HAPSTR1: variants seen among roughly 807,000 people sequenced by gnomAD.
The protein encoded by HAPSTR1 is HUWE1 associated protein modifying stress responses.
chr16:9,092,961 C>T, the HAPSTR1 span: 78 of 1,611,870 alleles, frequency 4.8e-5, no homozygotes, highest in African/African-American at 8.6e-4. Flanking sequence ...TCTGGGTCCC[C>T]TTCCAAAACG....
At chr16:9,119,851 T>G in the HAPSTR1 span, 5 of 152,248 alleles carry the variant, frequency 3.3e-5, no homozygotes, top group Admixed American at 2.6e-4. Context: ...ATTGTGGCTT[T>G]GGGCCTGAAG....
At chr16:9,103,541 A>C in the HAPSTR1 span, 2 of 324,760 alleles carry the variant, frequency 6.2e-6, no homozygotes, top group Non-Finnish European at 1.1e-5. Context: ...CTTTACACTT[A>C]TGTGTTGTAC....
the HAPSTR1 span, chr16:9,092,367 C>T: frequency 7.3e-6 from 8 of 1,101,136 alleles, no homozygotes; most frequent in Non-Finnish European, 8.0e-6. Context: ...GGGGCCGCGA[C>T]GGCGGCGGCC....
chr16:9,117,910 A>C, the HAPSTR1 span: 12 of 152,652 alleles, frequency 7.9e-5, no homozygotes, highest in Admixed American at 7.2e-4. Flanking sequence ...TCTACTAATA[A>C]TGTGATTGCA....
chr16:9,094,487 A>ATT, the HAPSTR1 span, among the ~76,000 whole-genome samples: 2 of 147,166 alleles, frequency 1.4e-5, no homozygotes, highest in African/African-American at 5.0e-5. Context: ...ATATACTTTG[A>ATT]TTTTTTTTTT....
chr16:9,097,388 C>G, the HAPSTR1 span, among the ~76,000 whole-genome samples: 1 of 151,934 alleles, frequency 6.6e-6, no homozygotes, highest in East Asian at 1.9e-4. Context: ...ACCACAGGCA[C>G]CCATCACCAT....
At chr16:9,108,315 A>G in the HAPSTR1 span, 1 of 152,128 alleles carries the variant, frequency 6.6e-6, no homozygotes, top group Non-Finnish European at 1.5e-5. Context: ...TTTTTTTTTA[A>G]TTAAAAAAAT....
chr16:9,116,961 C>G, the HAPSTR1 span: 1 of 1,603,582 alleles, frequency 6.2e-7, no homozygotes, highest in East Asian at 2.2e-5. Context: ...CCACTTGATC[C>G]TCAACATATA....
chr16:9,094,494 T>C, the HAPSTR1 span, among the ~76,000 whole-genome samples: 11 of 152,328 alleles, frequency 7.2e-5, no homozygotes, highest in Non-Finnish European at 1.3e-4. Flanking sequence ...TTGATTTTTT[T>C]TTTTTAAGAA....
chr16:9,103,302 G>A, the HAPSTR1 span: 1 of 1,587,012 alleles, frequency 6.3e-7, no homozygotes, highest in Admixed American at 1.8e-5. Context: ...ATGGTTAAGA[G>A]GGTGCCTGTG....
the HAPSTR1 span, among the ~76,000 whole-genome samples, chr16:9,094,516 C>G: frequency 6.6e-6 from 1 of 151,586 alleles, no homozygotes; most frequent in Non-Finnish European, 1.5e-5. Flanking sequence ...TAGAATATAT[C>G]TATCACCCCC....
At chr16:9,113,459 C>G in the HAPSTR1 span, among the ~76,000 whole-genome samples, 1 of 152,104 alleles carries the variant, frequency 6.6e-6, no homozygotes, top group Non-Finnish European at 1.5e-5. Context: ...GGAACATTTG[C>G]TTGAAATCCC....
At chr16:9,117,310 A>G in the HAPSTR1 span, 91 of 193,118 alleles carry the variant, frequency 4.7e-4, no homozygotes, top group African/African-American at 1.9e-3. Context: ...TTTTGCTTCA[A>G]CAGTATTGCC....
the HAPSTR1 span, among the ~76,000 whole-genome samples, chr16:9,100,008 G>A: frequency 6.6e-6 from 1 of 152,198 alleles, no homozygotes; most frequent in Non-Finnish European, 1.5e-5. Context: ...TTGGTTTTCA[G>A]AATATATACT....
At chr16:9,113,504 A>G in the HAPSTR1 span, among the ~76,000 whole-genome samples, 1 of 152,180 alleles carries the variant, frequency 6.6e-6, no homozygotes, top group African/African-American at 2.4e-5. Flanking sequence ...TGAGCCTTCC[A>G]TATTTGTTGT....
At chr16:9,098,739 C>T in the HAPSTR1 span, among the ~76,000 whole-genome samples, 16 of 152,168 alleles carry the variant, frequency 1.1e-4, no homozygotes, top group African/African-American at 3.1e-4. Flanking sequence ...TTAAAAATCA[C>T]GTAGTCAGTA....
the HAPSTR1 span, chr16:9,111,781 A>C: frequency 6.6e-6 from 1 of 152,348 alleles, no homozygotes; most frequent in Admixed American, 6.5e-5. Flanking sequence ...GTAAAAAATT[A>C]ATATCTTGTT....
the HAPSTR1 span, chr16:9,105,001 A>G: frequency 6.6e-6 from 1 of 152,210 alleles, no homozygotes; most frequent in African/African-American, 2.4e-5. Context: ...GTTTTAAGAA[A>G]CATAAAAACC....
At chr16:9,121,603 G>C in the HAPSTR1 span, 1 of 152,134 alleles carries the variant, frequency 6.6e-6, no homozygotes, top group Non-Finnish European at 1.5e-5. Flanking sequence ...GAAATAAATA[G>C]AAAACATAGA....
Sources: allele counts gnomAD v4.1 joint callset (sites outside exome capture counted in the v4.1 genomes callset), GRCh38; gene constraint gnomAD v4.1.1; transcripts MANE v1.5; gene names NCBI Gene and HGNC (gene_info 2026-07-23, HGNC 2026-07-21).